The following FBXO47 variants were observed in gnomAD, a reference collection of about 807,000 sequenced individuals.
FBXO47 encodes F-box only protein 47.
A neutral mutation model predicts 53.9 loss-of-function variants in FBXO47; 34 were observed. The ratio of observed to expected loss-of-function variants is 0.63; its 90% confidence interval spans 0.48 to 0.84. FBXO47 has a LOEUF of 0.84. Among genes scored for constraint, FBXO47 ranks in the 40% least tolerant of loss-of-function variants. The pLI, the probability that FBXO47 is intolerant of heterozygous loss-of-function variation, is 0.00. For synonymous variants in FBXO47, 165 were observed against 181.6 expected (o/e 0.91, Z 0.73); for missense variants, 485 against 541.3 (o/e 0.90, Z 1.03).
At chr17:38,947,170 C>G (rs868639985) in intron 6 of FBXO47, among the ~76,000 whole-genome samples, 1 of 148,062 alleles carries the variant, frequency 6.8e-6, no homozygotes, top group Non-Finnish European at 1.5e-5. Flanking sequence ...GGCAGTGGCA[C>G]GTGCCTTTGA....
intron 6 of FBXO47, 80 bp from the exon 7 acceptor site, chr17:38,945,216 T>C (rs1242062691): frequency 1.0e-6 from 1 of 1,003,058 alleles, no homozygotes; most frequent in Non-Finnish European, 1.5e-6. Flanking sequence ...AGCAACTTAT[T>C]AATCATTATG....
chr17:38,966,925 A>T (rs916070082), intron 1 of FBXO47, among the ~76,000 whole-genome samples: 1 of 151,974 alleles, frequency 6.6e-6, no homozygotes, highest in African/African-American at 2.4e-5. Context: ...CTATCCCACT[A>T]ATTTTGACCG....
At chr17:38,946,809 CAT>C (rs1390159995) in intron 6 of FBXO47, among the ~76,000 whole-genome samples, 107 of 55,804 alleles carry the variant, frequency 1.9e-3, no homozygotes, top group Non-Finnish European at 2.8e-3. Context: ...GATATATAAA[CAT>C]ATATAAATAT....
At chr17:38,947,635 C>T (rs1043349662) in intron 6 of FBXO47, among the ~76,000 whole-genome samples, 1 of 152,134 alleles carries the variant, frequency 6.6e-6, no homozygotes, top group African/African-American at 2.4e-5. Flanking sequence ...AACGGCCAGG[C>T]GTGGTGGCTC....
intron 6 of FBXO47, among the ~76,000 whole-genome samples, chr17:38,946,273 TA>T (rs1195594932): frequency 2.3e-5 from 2 of 88,862 alleles, no homozygotes; most frequent in South Asian, 3.6e-4. Context: ...TAAATATATA[TA>T]AAAATATATA....
In FBXO47 at chr17:38,951,618, G is replaced by T; in HGVS notation, c.579C>A (p.Leu193=). The stretch of plus-strand genomic sequence containing the variant: ...AGACAGCCATTTGTATCTTGCGGCA[G>T]AGATTAGTCAGTTCGCATAAGAAAT... The part of the protein sequence containing the change: ...VYNFLCELTN[L]CRKIQMAVCS... The change falls in exon 6 of 11, where the codon CTC becomes CTA. Residue 193 remains leucine (L), a synonymous_variant. Transcript: ENST00000378079. 1 of 1,614,014 alleles carries T rather than the reference G, an allele frequency of 6.2e-7. No homozygotes were observed. Among genetic ancestry groups the T allele is most frequent in the Non-Finnish European group, 8.5e-7 (1 of 1,179,950 alleles).
At chr17:38,941,642 A>ATG (rs1904516262) in intron 9 of FBXO47, among the ~76,000 whole-genome samples, 2 of 144,226 alleles carry the variant, frequency 1.4e-5, no homozygotes, top group African/African-American at 2.6e-5. Flanking sequence ...ATATATATAT[A>ATG]TATGTATGTG....
intron 6 of FBXO47, among the ~76,000 whole-genome samples, chr17:38,946,117 AATAAATATATATACATAT>A (rs1399489554): frequency 3.6e-5 from 4 of 111,478 alleles, no homozygotes. Context: ...TAAATACATA[AATAAATATATATACATAT>A]ATAAATATAT....
chr17:38,949,405 G>A (rs1740756514), intron 6 of FBXO47, among the ~76,000 whole-genome samples: 1 of 151,626 alleles, frequency 6.6e-6, no homozygotes, highest in Non-Finnish European at 1.5e-5. Flanking sequence ...GGGTGATAGA[G>A]CCAGACCCTG....
intron 6 of FBXO47, among the ~76,000 whole-genome samples, chr17:38,945,370 A>G (rs915196230): frequency 1.3e-5 from 2 of 152,116 alleles, no homozygotes; most frequent in African/African-American, 2.4e-5. Context: ...TAATGGGTCA[A>G]TCAATCAAAA....
At chr17:38,956,591 CAAAAAAA>C (rs1158036745) in intron 4 of FBXO47, among the ~76,000 whole-genome samples, 1 of 55,946 alleles carries the variant, frequency 1.8e-5, no homozygotes, top group Non-Finnish European at 4.2e-5. Flanking sequence ...TCTGTCTCAA[CAAAAAAA>C]AAAAAAAAAG....
rs551875398 is a variant in FBXO47, at chr17:38,944,864, G to A, written c.793+96C>T. On this transcript the variant is annotated intron_variant, in intron 7 of 10. Transcript: ENST00000378079. ...CGTGCATGCATGTGTGTGTGTGTGT[G>A]TGTGTGTATAATATATGCTTCCTAA... 1.1e-3 allele frequency: 932 copies of A among 873,168 alleles called. 5 individuals carry two copies. Among genetic ancestry groups the A allele is most frequent in the Non-Finnish European group, 1.5e-3 (847 of 548,794 alleles). 54.1% of individuals were successfully genotyped at this position (873,168 alleles called of 1,614,324 possible).
intron 9 of FBXO47, among the ~76,000 whole-genome samples, chr17:38,940,818 GAC>G (rs111691161): frequency 8.6e-5 from 13 of 151,862 alleles, no homozygotes; most frequent in African/African-American, 3.2e-4. Context: ...AGGGACGATA[GAC>G]ACACACCACC....
chr17:38,958,072 G>A (rs555433670), intron 3 of FBXO47, among the ~76,000 whole-genome samples: 9 of 152,058 alleles, frequency 5.9e-5, no homozygotes, highest in Non-Finnish European at 1.2e-4. Context: ...CTCATGATCC[G>A]CCTGCCTCGG....
chr17:38,965,402 A>C (rs1906051718), intron 1 of FBXO47, among the ~76,000 whole-genome samples: 1 of 152,188 alleles, frequency 6.6e-6, no homozygotes, highest in Admixed American at 6.5e-5. Flanking sequence ...ATACATCTTG[A>C]AATGTTACAT....
intron 10 of FBXO47, among the ~76,000 whole-genome samples, chr17:38,938,143 A>G (rs1176263354): frequency 1.3e-5 from 2 of 152,318 alleles, no homozygotes; most frequent in African/African-American, 4.8e-5. Flanking sequence ...TAACTTCTCT[A>G]AGCCTTAGTT....
chr17:38,961,169 ATTCAC>A (rs1208485484), intron 3 of FBXO47, among the ~76,000 whole-genome samples: 2 of 152,220 alleles, frequency 1.3e-5, no homozygotes, highest in African/African-American at 4.8e-5. Flanking sequence ...AAAAGGCAGT[ATTCAC>A]TTAACTTACT....
At chr17:38,938,479 A>G (rs1904352485) in intron 10 of FBXO47, 94 bp downstream of exon 10, 1 of 812,220 alleles carries the variant, frequency 1.2e-6, no homozygotes, top group Non-Finnish European at 1.7e-6. Flanking sequence ...TTTTTTTTCC[A>G]TTCTTGGACT....
At chr17:38,939,363 T>C (rs1904399948) in intron 9 of FBXO47, among the ~76,000 whole-genome samples, 1 of 122,362 alleles carries the variant, frequency 8.2e-6, no homozygotes, top group Admixed American at 8.7e-5. Context: ...AAACAGTTAC[T>C]GAACATAGAA....
Sources: gnomAD v4.1 joint callset for allele counts (sites outside exome capture counted in the v4.1 genomes callset) on GRCh38, gnomAD v4.1.1 for gene constraint, MANE v1.5 for transcripts, NCBI Gene and HGNC (gene_info 2026-07-23, HGNC 2026-07-21) for gene names.